The following MON2 variants were observed in gnomAD, a reference collection of about 807,000 sequenced individuals.
MON2 encodes the protein protein MON2 homolog.
In MON2, 84 loss-of-function variants were observed where a neutral mutation model predicts 208.6. The ratio of observed to expected loss-of-function variants is 0.40; its 90% CI spans 0.34 to 0.48. The LOEUF is 0.48. Ranked by LOEUF, MON2 falls within the 20% of genes least tolerant of loss-of-function variation. The probability of loss-of-function intolerance (pLI) is 0.59; values close to 1 mark genes in which losing one functional copy is unlikely to be tolerated. For synonymous variants in MON2, 660 were observed against 694.0 expected (o/e 0.95, Z 0.77); for missense variants, 1,611 against 2,015.4 (o/e 0.80, Z 3.84).
At chr12:62,561,870 G>T (rs2074211355) in intron 26 of MON2, among the ~76,000 whole-genome samples, 1 of 152,072 alleles carries the variant, frequency 6.6e-6, no homozygotes, top group Non-Finnish European at 1.5e-5. Context: ...GTGTAAATTA[G>T]ATTTCTGATT....
At chr12:62,484,010 T>C (rs1046587982) in intron 1 of MON2, among the ~76,000 whole-genome samples, 160 bp from the exon 2 acceptor site, 19 of 152,242 alleles carry the variant, frequency 1.2e-4, no homozygotes, top group Non-Finnish European at 2.5e-4. Context: ...AACGTATATG[T>C]CACTACTGGG....
intron 1 of MON2, among the ~76,000 whole-genome samples, chr12:62,472,730 A>T (rs1007385513): frequency 2.6e-5 from 4 of 152,232 alleles, no homozygotes; most frequent in Non-Finnish European, 5.9e-5. Flanking sequence ...CCTCATTTGC[A>T]CGACCTTATG....
intron 33 of MON2, among the ~76,000 whole-genome samples, chr12:62,586,242 T>C (rs1184237841): frequency 1.3e-5 from 2 of 152,218 alleles, no homozygotes; most frequent in Admixed American, 6.5e-5. Context: ...CGAAAATCAT[T>C]GTTCCCGTCT....
chr12:62,556,833 C>T (rs572014763), intron 25 of MON2, among the ~76,000 whole-genome samples: 10 of 152,168 alleles, frequency 6.6e-5, no homozygotes, highest in African/African-American at 1.9e-4. Flanking sequence ...CTCAACACTT[C>T]GGAAGGCTGA....
chr12:62,471,298 T>G (rs539809790), intron 1 of MON2, among the ~76,000 whole-genome samples: 3 of 152,322 alleles, frequency 2.0e-5, no homozygotes, highest in African/African-American at 7.2e-5. Context: ...TTTTCCCGCC[T>G]CAGCCTCCTG....
chr12:62,520,233 G>A (rs2071947555), intron 8 of MON2, among the ~76,000 whole-genome samples: 1 of 152,204 alleles, frequency 6.6e-6, no homozygotes, highest in Non-Finnish European at 1.5e-5. Flanking sequence ...GTAACATCAT[G>A]TATTTTAGTT....
At chr12:62,525,335 T>G in intron 10 of MON2, 115 bp downstream of exon 10, 1 of 1,021,104 alleles carries the variant, frequency 9.8e-7, no homozygotes. Context: ...TACCTAAACA[T>G]GTTGGTAGTA....
At chr12:62,493,826 A>G (rs1239409208) in intron 2 of MON2, 89 bp from the exon 3 acceptor site, 35 of 979,936 alleles carry the variant, frequency 3.6e-5, no homozygotes, top group Middle Eastern at 3.3e-4. Context: ...TTTTTTTGAG[A>G]TCGCTATTAC....
intron 14 of MON2, 115 bp from the exon 15 acceptor site, chr12:62,537,036 G>T: frequency 1.8e-6 from 1 of 553,884 alleles, no homozygotes. Flanking sequence ...AGGTATTACT[G>T]ATATTTAAAT....
At chr12:62,481,045 C>A (rs2069396510) in intron 1 of MON2, among the ~76,000 whole-genome samples, 1 of 152,114 alleles carries the variant, frequency 6.6e-6, no homozygotes, top group African/African-American at 2.4e-5. Flanking sequence ...TTTCAGTGTT[C>A]TATAATTTTT....
chr12:62,596,480 A>G lies in MON2; in HGVS notation c.*3731A>G, dbSNP rs2075529241. 6.6e-6 allele frequency: 1 copy of G among 152,250 alleles called. No homozygotes were observed. Among genetic ancestry groups the G allele is most frequent in the South Asian group, 2.1e-4 (1 of 4,836 alleles). 9.4% of individuals were successfully genotyped at this position (152,250 alleles called of 1,614,324 possible). A position where few individuals can be genotyped will look rare whatever the true frequency, so the allele number is the denominator to read the frequency against. ...GTAGACAAAAATGATCTCTGAAAGC[A>G]TTGCCAGCAGCCAGGTATGTTCCTT... On this transcript the variant is annotated 3_prime_UTR_variant, in exon 35 of 35. Transcript: ENST00000393630.
chr12:62,528,920 A>G (rs995263856), intron 11 of MON2, among the ~76,000 whole-genome samples: 1 of 152,166 alleles, frequency 6.6e-6, no homozygotes, highest in African/African-American at 2.4e-5. Flanking sequence ...AACATGTGTC[A>G]TGGGGATTTG....
At chr12:62,536,359 A>T (rs1484425598) in intron 14 of MON2, among the ~76,000 whole-genome samples, 2 of 152,108 alleles carry the variant, frequency 1.3e-5, no homozygotes, top group Non-Finnish European at 2.9e-5. Flanking sequence ...TCAGTGTAAT[A>T]TTTAGGGTTT....
chr12:62,576,172 G>A (rs10877879), intron 30 of MON2, among the ~76,000 whole-genome samples: 15,230 of 152,084 alleles, frequency 0.1, 952 homozygotes, highest in East Asian at 0.22. Flanking sequence ...CTCAAACATG[G>A]ATGAACATTT....
Position 62,594,314 on chromosome 12 carries a change from A to G in MON2, c.*1565A>G, listed in dbSNP as rs1462231334. On this transcript the variant is annotated 3_prime_UTR_variant, in exon 35 of 35. Coordinates refer to ENST00000393630, the MANE Select transcript of MON2 (RefSeq NM_015026.3). The stretch of plus-strand genomic sequence containing the variant: ...AGTTTTGAGGCTATTATAATTGTAT[A>G]ATTATTTAATTTGCATTATCTGTAA... The G allele has an allele frequency of 6.6e-6, 1 of 152,158 alleles. No individual in the cohort carries two copies. Among genetic ancestry groups the G allele is most frequent in the East Asian group, 1.9e-4 (1 of 5,202 alleles). The allele number at this position is 152,158 out of a possible 1,614,324, so 9.4% of individuals were successfully genotyped here.
chr12:62,518,594 C>T (rs763476534), intron 8 of MON2, among the ~76,000 whole-genome samples: 1 of 152,136 alleles, frequency 6.6e-6, no homozygotes, highest in Middle Eastern at 3.2e-3. Context: ...CTATAACATT[C>T]TCCATATTTT....
At chr12:62,533,267 A>G (rs1453406663) in intron 12 of MON2, among the ~76,000 whole-genome samples, 1 of 152,178 alleles carries the variant, frequency 6.6e-6, no homozygotes, top group African/African-American at 2.4e-5. Context: ...TTGTGTCATT[A>G]TTGGAGATGC....
Position 62,532,454 on chromosome 12 carries a change from A to G in MON2, c.1417A>G (p.Lys473Glu). 3 of 1,613,768 alleles carry G rather than the reference A, an allele frequency of 1.9e-6. No homozygotes were observed. Among genetic ancestry groups the G allele is most frequent in the Non-Finnish European group, 2.5e-6 (3 of 1,179,648 alleles). ...AKATYLEMLD[K>E]VEPPTIPEGY... is the part of the protein sequence containing the mutation. ...TAATTTCAGCTTAGAAATGTTGGAC[A>G]AAGTTGAGCCTCCAACTATACCTGA... Residue 473 changes from lysine to glutamate, a missense_variant, in exon 12 of 35, where the codon AAA becomes GAA. By Grantham distance (56) the Lys-to-Glu change is moderately conservative. Coordinates refer to ENST00000393630, the MANE Select transcript of MON2 (RefSeq NM_015026.3).
At chr12:62,485,340 T>C (rs1257045312) in intron 2 of MON2, among the ~76,000 whole-genome samples, 3 of 152,252 alleles carry the variant, frequency 2.0e-5, no homozygotes, top group Non-Finnish European at 1.5e-5. Context: ...TCATATACTT[T>C]ACATTTTTTA....
Sources: gnomAD v4.1 joint callset for allele counts (sites outside exome capture counted in the v4.1 genomes callset) on GRCh38, gnomAD v4.1.1 for gene constraint, MANE v1.5 for transcripts, NCBI Gene and HGNC (gene_info 2026-07-23, HGNC 2026-07-21) for gene names.